LRPPRC: variants seen among roughly 807,000 people sequenced by gnomAD.
LRPPRC encodes leucine rich pentatricopeptide repeat containing.
In LRPPRC, 120 loss-of-function variants were observed where a neutral mutation model predicts 180.3. The ratio of observed to expected loss-of-function variants is 0.67; its 90% CI spans 0.57 to 0.77. The LOEUF (loss-of-function observed/expected upper bound fraction) is 0.77, where lower values mean the gene tolerates loss of function less well. Ranked by LOEUF, LRPPRC falls within the 30% of genes least tolerant of loss-of-function variation. The pLI is 0.00. For missense variants in LRPPRC, 2,012 were observed against 1,657.2 expected (o/e 1.21, Z -3.72); for synonymous variants, 723 against 600.0 (o/e 1.21, Z -3.00).
rs377159289 is a variant in LRPPRC, at chr2:43,964,290, ATC to A, written c.1370-586_1370-585del. Among the ~76,000 whole-genome samples the A allele has an allele frequency of 4.7e-4, 71 of 152,294 alleles. No homozygotes were observed. In the South Asian group the frequency reaches 0.012, roughly 26 times the overall value. ...TCTATCTCATTTCCCACTCACAAAA[ATC>A]TCTTTTAATAACTTCTTAAAAATTA... On this transcript the variant is annotated intron_variant, in intron 11 of 37. Coordinates refer to ENST00000260665, the MANE Select transcript of LRPPRC (RefSeq NM_133259.4).
intron 1 of LRPPRC, among the ~76,000 whole-genome samples, chr2:43,994,871 G>A (rs1572596935): frequency 1.3e-5 from 2 of 152,266 alleles, no homozygotes; most frequent in African/African-American, 2.4e-5. Flanking sequence ...TCGCCTATCT[G>A]ACACCCACTT....
At chr2:43,974,364 C>A in intron 8 of LRPPRC, 69 bp from the exon 9 acceptor site, 1 of 1,158,020 alleles carries the variant, frequency 8.6e-7, no homozygotes, top group Non-Finnish European at 1.3e-6. Context: ...ACCAATGTTC[C>A]AATACTGAAG....
intron 25 of LRPPRC, among the ~76,000 whole-genome samples, chr2:43,931,685 G>C (rs1204604781): frequency 1.3e-5 from 2 of 151,700 alleles, no homozygotes; most frequent in East Asian, 1.9e-4. Context: ...AAATGACGGA[G>C]AGAGACCTGA....
At chr2:43,959,111 G>A in intron 13 of LRPPRC, 1 of 662,080 alleles carries the variant, frequency 1.5e-6, no homozygotes, top group Non-Finnish European at 2.8e-6. Flanking sequence ...TGACAACGAA[G>A]TGGAATGGAT....
At chr2:43,910,388 C>G (rs996484335) in intron 30 of LRPPRC, among the ~76,000 whole-genome samples, 1 of 152,074 alleles carries the variant, frequency 6.6e-6, no homozygotes. Flanking sequence ...GCGCCTGCCA[C>G]CACACACGGC....
At chr2:43,970,699 T>A (rs1673766616) in intron 11 of LRPPRC, among the ~76,000 whole-genome samples, 2 of 152,244 alleles carry the variant, frequency 1.3e-5, no homozygotes, top group Non-Finnish European at 2.9e-5. Flanking sequence ...AGGAATGATA[T>A]ATGATTTGCC....
At chr2:43,910,994 T>G (rs565576867) in intron 30 of LRPPRC, among the ~76,000 whole-genome samples, 2 of 152,166 alleles carry the variant, frequency 1.3e-5, no homozygotes, top group African/African-American at 4.8e-5. Flanking sequence ...CTCTCCTTCA[T>G]TATCACAGAG....
At chr2:43,928,519 C>G (rs1671969536) in intron 25 of LRPPRC, among the ~76,000 whole-genome samples, 1 of 152,094 alleles carries the variant, frequency 6.6e-6, no homozygotes, top group African/African-American at 2.4e-5. Flanking sequence ...ACCGCCCGCC[C>G]TAGCCTCATG....
At chr2:43,964,056 A>G (rs1199039227) in intron 11 of LRPPRC, among the ~76,000 whole-genome samples, 3 of 152,220 alleles carry the variant, frequency 2.0e-5, no homozygotes, top group African/African-American at 7.2e-5. Flanking sequence ...TGTACACAAA[A>G]AATTTGACCA....
intron 29 of LRPPRC, among the ~76,000 whole-genome samples, chr2:43,912,804 A>G (rs1055245602): frequency 2.0e-5 from 3 of 152,216 alleles, no homozygotes; most frequent in African/African-American, 7.2e-5. Flanking sequence ...TCTTAAAATG[A>G]TTTCTCATAC....
chr2:43,917,026 C>A (rs1158441394), intron 29 of LRPPRC, among the ~76,000 whole-genome samples: 5 of 143,442 alleles, frequency 3.5e-5, no homozygotes, highest in Admixed American at 1.4e-4. Context: ...TAACAATTAA[C>A]ATCTTACTAG....
At position 43,977,234 on chromosome 2, in the gene LRPPRC, A is replaced by G; in HGVS notation, c.512T>C (p.Val171Ala). 6.2e-7 allele frequency: 1 copy of G among 1,600,748 alleles called. No homozygotes were observed. The highest frequency in any genetic ancestry group is 1.7e-5 in the Admixed American group (1 of 59,994). ...DVSHYNALLK[V>A]YLQNEYKFSP... Reference sequence around the variant, plus strand: ...GAATTTATATTCATTTTGAAGATAGACTTTAAGTAAAGCATTATAGTGACT... The same window carrying G: ...GAATTTATATTCATTTTGAAGATAGGCTTTAAGTAAAGCATTATAGTGACT... Residue 171 changes from valine (V) to alanine (A), a missense_variant, in exon 4 of 38, where the codon GTC (valine) becomes GCC (alanine). Transcript: ENST00000260665.
intron 23 of LRPPRC, among the ~76,000 whole-genome samples, chr2:43,943,002 C>T (rs1672539525): frequency 1.3e-5 from 2 of 151,886 alleles, no homozygotes; most frequent in Admixed American, 1.3e-4. Context: ...TATGAAAAAG[C>T]TGACAAAGAA....
In LRPPRC at chr2:43,912,397, T is replaced by C. The variant is rs1558924553; in HGVS notation, c.3275+35A>G. The C allele has an allele frequency of 4.4e-6, 7 of 1,594,460 alleles. No individual in the cohort carries two copies. In the South Asian group the frequency reaches 6.6e-5, roughly 15 times the overall value. ...GCTAATGGCAGCCAATATTCTTTTT[T>C]AAACAAGAGGTTTAATAAATGGACT... On this transcript the variant is annotated intron_variant, in intron 30 of 37. Transcript: ENST00000260665.
At chr2:43,975,751 T>C (rs1044775685) in intron 6 of LRPPRC, among the ~76,000 whole-genome samples, 5 of 152,016 alleles carry the variant, frequency 3.3e-5, no homozygotes, top group African/African-American at 1.2e-4. Flanking sequence ...CCCGGCTAAA[T>C]TTTTATATTT....
In LRPPRC at chr2:43,912,476, C is replaced by T; in HGVS notation, c.3231G>A (p.Leu1077=). 2 of 1,603,776 alleles carry T rather than the reference C, an allele frequency of 1.2e-6. No individual in the cohort carries two copies. The highest frequency in any genetic ancestry group is 2.2e-5 in the South Asian group (2 of 90,860). ...AETYSNLIKL[L]MSEDYFTQAM... Reference sequence around the variant, plus strand: ...CTTGTGTAAAATAATCTTCTGACATCAGTAATTTAATGAGATTGCTGTAGG... The same window carrying T: ...CTTGTGTAAAATAATCTTCTGACATTAGTAATTTAATGAGATTGCTGTAGG... The change falls in exon 30 of 38, where the codon CTG becomes CTA. Residue 1077 remains leucine, a synonymous_variant. Coordinates refer to ENST00000260665, the MANE Select transcript of LRPPRC (RefSeq NM_133259.4).
chr2:43,889,050 C>T (rs1042426500), intron 37 of LRPPRC, among the ~76,000 whole-genome samples: 3 of 152,194 alleles, frequency 2.0e-5, no homozygotes, highest in Non-Finnish European at 2.9e-5. Context: ...GGCACAGTGG[C>T]TCACGCCTGT....
At chr2:43,931,714 G>A (rs1417193145) in intron 25 of LRPPRC, among the ~76,000 whole-genome samples, 1 of 152,126 alleles carries the variant, frequency 6.6e-6, no homozygotes, top group Non-Finnish European at 1.5e-5. Context: ...AAAATAGGGT[G>A]AATTAACATA....
In LRPPRC at chr2:43,947,280, T is replaced by C. The variant is rs750526576; in HGVS notation, c.2056A>G (p.Ile686Val). Residue 686 changes from isoleucine to valine, a missense_variant, in exon 20 of 38, where the codon ATA (isoleucine) becomes GTA (valine). Ile to Val is a conservative substitution (Grantham distance 29). Transcript: ENST00000260665. ...QPIRDVLKQLILVLCSEENMQ... is the reference protein window; with the variant it reads ...QPIRDVLKQLVLVLCSEENMQ... ...ACCTCTTCTGAACAAAGCACTAATA[T>C]GAGTTGCTTTAGGACATCTCTTATA... 8 of 1,583,014 alleles carry C rather than the reference T, an allele frequency of 5.1e-6. No homozygotes were observed. The African/African-American group carries it at 6.7e-5, about 13-fold the overall frequency.
Sources: allele counts gnomAD v4.1 joint callset (sites outside exome capture counted in the v4.1 genomes callset), GRCh38; gene constraint gnomAD v4.1.1; transcripts MANE v1.5; gene names NCBI Gene and HGNC (gene_info 2026-07-23, HGNC 2026-07-21).